PRRC2B: variants seen among roughly 807,000 people sequenced by gnomAD.
PRRC2B encodes proline rich coiled-coil 2B.
Under a neutral mutation model 242.3 loss-of-function variants are expected in PRRC2B, and 68 were observed. The ratio of observed to expected loss-of-function variants is 0.28; its 90% CI spans 0.23 to 0.34. PRRC2B has a LOEUF of 0.34. PRRC2B is among the 10% of genes least tolerant of loss of function. The pLI is 1.00. For synonymous variants in PRRC2B, 1,228 were observed against 1,173.6 expected (o/e 1.05, Z -0.95); for missense variants, 2,835 against 2,954.8 (o/e 0.96, Z 0.94).
In PRRC2B at chr9:131,475,179, C is replaced by T. The variant is rs1943654324; in HGVS notation, c.3050C>T (p.Ala1017Val). Residue 1017 changes from alanine to valine, a missense_variant, in exon 16 of 32, where the codon GCC becomes GTC. Coordinates refer to ENST00000683519, the MANE Select transcript of PRRC2B (RefSeq NM_013318.4). ...GGCCATGCCACTTTTGGCCGCGAGG[C>T]CACCAAATTTGAAGAGGAGGAGAAA... ...GPGHATFGRE[A>V]TKFEEEEKPD... 1 of 1,613,458 alleles carries T rather than the reference C, an allele frequency of 6.2e-7. No individual in the cohort carries two copies.
chr9:131,466,857 A>G (rs995302022), intron 12 of PRRC2B, among the ~76,000 whole-genome samples: 2 of 150,740 alleles, frequency 1.3e-5, no homozygotes, highest in Non-Finnish European at 3.0e-5. Flanking sequence ...GCTGGAGTGC[A>G]GTGGCACGAT....
upstream of PRRC2B, chr9:131,394,008 CGGCGGGAGGAGGAGGACGAGGAGGCGGG>C (rs1033872050): frequency 4.0e-5 from 6 of 148,798 alleles, no homozygotes; most frequent in Admixed American, 2.0e-4. Context: ...TTGCGGGCGG[CGGCGGGAGGAGGAGGACGAGGAGGCGGG>C]GGCGGCGGCA....
At position 131,479,267 on chromosome 9, in the gene PRRC2B, C is replaced by A; in HGVS notation, c.4774C>A (p.Arg1592=). The change falls in exon 19 of 32, where the codon CGA becomes AGA. Residue 1592 remains arginine, a synonymous_variant. Coordinates refer to ENST00000683519, the MANE Select transcript of PRRC2B (RefSeq NM_013318.4). ...EQAVQVPVKG[R]GLSSRIPPRF... Reference sequence around the variant, plus strand: ...TTCCCCTCAGGTGCCTGTCAAAGGTCGAGGCCTTTCCTCCCGTATTCCTCC... The same window carrying A: ...TTCCCCTCAGGTGCCTGTCAAAGGTAGAGGCCTTTCCTCCCGTATTCCTCC... 6.2e-7 allele frequency: 1 copy of A among 1,613,730 alleles called. No homozygotes were observed. Among genetic ancestry groups the A allele is most frequent in the Non-Finnish European group, 8.5e-7 (1 of 1,179,788 alleles).
chr9:131,434,821 C>T (rs1049441357), intron 3 of PRRC2B, among the ~76,000 whole-genome samples: 20 of 152,252 alleles, frequency 1.3e-4, no homozygotes, highest in Admixed American at 1.1e-3. Context: ...AACCTTCATT[C>T]GGCCATTTCT....
chr9:131,385,830 A>G (rs1231670733), intron 1 of PRRC2B, among the ~76,000 whole-genome samples: 2 of 149,760 alleles, frequency 1.3e-5, no homozygotes, highest in African/African-American at 4.9e-5. Flanking sequence ...AATAGCTGGG[A>G]CTACAGGCGC....
chr9:131,491,679 T>G, intron 29 of PRRC2B, 99 bp downstream of exon 29: 6 of 1,187,572 alleles, frequency 5.1e-6, no homozygotes, highest in Non-Finnish European at 6.9e-6. Context: ...AAAGAGCCAG[T>G]GGCGTGGGAC....
intron 11 of PRRC2B, among the ~76,000 whole-genome samples, chr9:131,460,445 G>C (rs1486052859): frequency 6.6e-6 from 1 of 152,158 alleles, no homozygotes; most frequent in Non-Finnish European, 1.5e-5. Flanking sequence ...GGGATCTTCA[G>C]GCATGACCTG....
upstream of PRRC2B, among the ~76,000 whole-genome samples, chr9:131,393,812 G>C (rs1836951992): frequency 1.3e-5 from 2 of 148,540 alleles, no homozygotes; most frequent in African/African-American, 5.0e-5. Context: ...CCCGATCCCC[G>C]CTCTGCCCCG....
intron 1 of PRRC2B, among the ~76,000 whole-genome samples, chr9:131,382,960 G>T (rs899816204): frequency 6.6e-6 from 1 of 152,148 alleles, no homozygotes; most frequent in Non-Finnish European, 1.5e-5. Flanking sequence ...CCCCATTCCT[G>T]TAGGAGTGCA....
At chr9:131,450,485 T>G (rs1251744144) in intron 9 of PRRC2B, among the ~76,000 whole-genome samples, 1 of 152,124 alleles carries the variant, frequency 6.6e-6, no homozygotes, top group Non-Finnish European at 1.5e-5. Flanking sequence ...CAGGCTGGTC[T>G]CGAACTCCTG....
chr9:131,418,419 T>C (rs915376975), intron 1 of PRRC2B, among the ~76,000 whole-genome samples: 4 of 152,230 alleles, frequency 2.6e-5, no homozygotes, highest in African/African-American at 9.6e-5. Context: ...TGGTTATTAT[T>C]TGGGGGATGA....
At position 131,475,210 on chromosome 9, in the gene PRRC2B, C is replaced by T; in HGVS notation, c.3081C>T (p.Asp1027=). 6.2e-7 allele frequency: 1 copy of T among 1,613,750 alleles called. No homozygotes were observed. Among genetic ancestry groups the T allele is most frequent in the Non-Finnish European group, 8.5e-7 (1 of 1,179,858 alleles). ...AATTTGAAGAGGAGGAGAAACCTGA[C>T]AAGGCCTGGGAAGCCAGACCCCCAC... ...ATKFEEEEKP[D]KAWEARPPRE... is the part of the protein sequence containing the mutation. The change falls in exon 16 of 32, where the codon GAC becomes GAT. Residue 1027 remains aspartate (D), a synonymous_variant. Transcript: ENST00000683519.
chr9:131,432,580 T>C (rs1838213855), intron 2 of PRRC2B, 37 bp from the exon 3 acceptor site: 2 of 1,589,336 alleles, frequency 1.3e-6, no homozygotes, highest in Non-Finnish European at 1.7e-6. Context: ...CTGTGACCTT[T>C]TTGCATGGTG....
At chr9:131,396,603 G>C (rs569228686) in intron 1 of PRRC2B, among the ~76,000 whole-genome samples, 1 of 152,266 alleles carries the variant, frequency 6.6e-6, no homozygotes, top group African/African-American at 2.4e-5. Context: ...TGGGATTACA[G>C]GCCTGAGCTA....
At chr9:131,448,541 C>CCCAAAAAAAAAAAAAAAAAA (rs1564287237) in intron 9 of PRRC2B, among the ~76,000 whole-genome samples, 2 of 9,762 alleles carry the variant, frequency 2.0e-4, no homozygotes, top group Non-Finnish European at 2.6e-4. Context: ...GAGACACTGT[C>CCCAAAAAAAAAAAAAAAAAA]TCAAAAAAAA....
chr9:131,395,390 C>T (rs1173500379), intron 1 of PRRC2B, among the ~76,000 whole-genome samples: 1 of 152,028 alleles, frequency 6.6e-6, no homozygotes, highest in Non-Finnish European at 1.5e-5. Context: ...TCGCTGCAGC[C>T]ATTTAGTCAT....
At chr9:131,456,403 G>A (rs1178205900) in intron 10 of PRRC2B, among the ~76,000 whole-genome samples, 1 of 151,906 alleles carries the variant, frequency 6.6e-6, no homozygotes, top group East Asian at 1.9e-4. Context: ...AGGCCAAGGC[G>A]GGCGGATCAC....
intron 28 of PRRC2B, among the ~76,000 whole-genome samples, chr9:131,489,799 C>T (rs1390893440): frequency 1.3e-5 from 2 of 152,180 alleles, no homozygotes; most frequent in African/African-American, 4.8e-5. Flanking sequence ...TCAGATATCC[C>T]TTCCCGTCAG....
intron 1 of PRRC2B, among the ~76,000 whole-genome samples, chr9:131,406,809 A>G (rs1171082749): frequency 2.6e-5 from 4 of 152,214 alleles, no homozygotes; most frequent in Admixed American, 2.0e-4. Flanking sequence ...CACAGTTACA[A>G]TACAGCCTTG....
Sources: gnomAD v4.1 joint callset for allele counts (sites outside exome capture counted in the v4.1 genomes callset) on GRCh38, gnomAD v4.1.1 for gene constraint, MANE v1.5 for transcripts, NCBI Gene and HGNC (gene_info 2026-07-23, HGNC 2026-07-21) for gene names.